Variants in GLI3 observed in about 807,000 individuals in gnomAD.
GLI3 encodes GLI family zinc finger 3.
A neutral mutation model predicts 100.8 loss-of-function variants in GLI3; 20 were observed. The ratio of observed to expected loss-of-function variants is 0.20; its 90% CI spans 0.14 to 0.29. The LOEUF is 0.29. GLI3 is among the 10% of genes least tolerant of loss of function. GLI3 has a pLI of 1.00. For synonymous variants in GLI3, 938 were observed against 860.5 expected, an observed-to-expected ratio of 1.09 and a Z score of -1.58; for missense variants, 2,040 against 2,128.5, an observed-to-expected ratio of 0.96 and a Z score of 0.82.
At chr7:42,188,487 T>A (rs979743551) in intron 2 of GLI3, among the ~76,000 whole-genome samples, 17 of 152,072 alleles carry the variant, frequency 1.1e-4, no homozygotes, top group African/African-American at 4.1e-4. Flanking sequence ...GAACAAAAAA[T>A]CAGCTACAAG....
chr7:42,191,634 G>A lies in GLI3; in HGVS notation c.124+31496C>T, dbSNP rs187743585. ...CACTGCACTCCAGCCTGGGCAACAA[G>A]AGCGAAACTCCGTTTCAAAAAATAT... On this transcript the variant is annotated intron_variant, in intron 2 of 14. Coordinates refer to ENST00000395925, the MANE Select transcript of GLI3 (RefSeq NM_000168.6). Among the ~76,000 whole-genome samples, 966 of 151,332 alleles carry A rather than the reference G, an allele frequency of 6.4e-3. 4 individuals are homozygous for A. Among genetic ancestry groups the A allele is most frequent in the Non-Finnish European group, 0.01 (697 of 67,906 alleles).
At chr7:42,030,073 G>A (rs1789241786) in intron 7 of GLI3, among the ~76,000 whole-genome samples, 1 of 152,168 alleles carries the variant, frequency 6.6e-6, no homozygotes, top group South Asian at 2.1e-4. Flanking sequence ...CTGGAAGTCA[G>A]AAGTCTGCAA....
Position 42,231,561 on chromosome 7 carries a change from T to C in GLI3, c.-43+5410A>G, listed in dbSNP as rs184553015. 1.9e-3 allele frequency among the ~76,000 whole-genome samples: 285 copies of C among 152,218 alleles called. 1 individual carries two copies. Among genetic ancestry groups the C allele is most frequent in the African/African-American group, 6.5e-3 (270 of 41,538 alleles). On this transcript the variant is annotated intron_variant, in intron 1 of 14. Coordinates refer to ENST00000395925, the MANE Select transcript of GLI3 (RefSeq NM_000168.6). ...GGAATTTCATTGTAGTATCCACAGT[T>C]CAAACAGCAGACACTGTCCTGAAGT... is the stretch of plus-strand genomic sequence containing the variant.
At chr7:42,037,815 T>C (rs1447458769) in intron 7 of GLI3, among the ~76,000 whole-genome samples, 1 of 152,238 alleles carries the variant, frequency 6.6e-6, no homozygotes, top group Admixed American at 6.5e-5. Flanking sequence ...AGTCAGCAGA[T>C]TGACAGTCTG....
chr7:41,966,071 C>T lies in GLI3; in HGVS notation c.3002G>A (p.Gly1001Asp). 1 of 1,573,768 alleles carries T rather than the reference C, an allele frequency of 6.4e-7. No individual in the cohort carries two copies. Among genetic ancestry groups the T allele is most frequent in the Non-Finnish European group, 8.6e-7 (1 of 1,166,220 alleles). The change falls in exon 15 of 15, where the codon GGC becomes GAC. Residue 1001 changes from glycine to aspartate, a missense_variant. Around this residue, in one of 5 missense-constraint regions of GLI3, gnomAD observed 1,041 missense variants for 924.0 expected, o/e 1.13. Coordinates refer to ENST00000395925, the MANE Select transcript of GLI3 (RefSeq NM_000168.6). This position sits in a 1 kb window ranked among gnomAD's most constrained non-coding sequence, Gnocchi z 5.8. ...CACCGGGTCGCTGGCCCTCCTCACG[C>T]CGTGGCCCGGCGCATCGTGCGGCTG... ...HLQPHDAPGH[G>D]VRRASDPVRT...
At chr7:42,122,120 T>A (rs1490417375) in intron 3 of GLI3, among the ~76,000 whole-genome samples, 1 of 151,758 alleles carries the variant, frequency 6.6e-6, no homozygotes, top group Non-Finnish European at 1.5e-5. Flanking sequence ...CCTAGAGGAA[T>A]ATTAAAATGA....
chr7:41,975,932 T>A (rs1313550558), intron 12 of GLI3, among the ~76,000 whole-genome samples: 1 of 152,176 alleles, frequency 6.6e-6, no homozygotes, highest in Admixed American at 6.5e-5. Context: ...CCCTTAAAAT[T>A]TTAAATTGAA....
At chr7:42,223,331 TGGTG>T in intron 1 of GLI3, 36 bp from the exon 2 acceptor site, 1 of 1,163,528 alleles carries the variant, frequency 8.6e-7, no homozygotes, top group Admixed American at 2.4e-5. Flanking sequence ...CTTTCCAAAA[TGGTG>T]GAAAAAAAAA....
chr7:42,042,334 T>TA (rs1248859177), intron 6 of GLI3, among the ~76,000 whole-genome samples: 1 of 152,298 alleles, frequency 6.6e-6, no homozygotes, highest in Admixed American at 6.5e-5. Flanking sequence ...TTAAGGCATT[T>TA]AAATCAGCAT....
At chr7:42,063,885 A>G (rs1282679423) in intron 4 of GLI3, among the ~76,000 whole-genome samples, 1 of 152,154 alleles carries the variant, frequency 6.6e-6, no homozygotes, top group Non-Finnish European at 1.5e-5. Flanking sequence ...ATGTTTTTAA[A>G]CCCAAAGAAA....
At position 41,989,481 on chromosome 7, in the gene GLI3, C is replaced by T. The variant is rs187000095; in HGVS notation, c.1498-10733G>A. On this transcript the variant is annotated intron_variant, in intron 10 of 14. Transcript: ENST00000395925. Reference sequence around the variant, plus strand: ...GCTAAGAAAGTGGCTATAAATGCAACCTCTCCGAAGGATCAAATGAATTTG... The same window carrying T: ...GCTAAGAAAGTGGCTATAAATGCAATCTCTCCGAAGGATCAAATGAATTTG... Among the ~76,000 whole-genome samples, 20 of 152,258 alleles carry T rather than the reference C, an allele frequency of 1.3e-4. 1 individual carries two copies. Among genetic ancestry groups the T allele is most frequent in the South Asian group, 6.2e-4 (3 of 4,824 alleles).
chr7:42,226,991 G>A (rs1262388748), intron 1 of GLI3, among the ~76,000 whole-genome samples: 1 of 152,122 alleles, frequency 6.6e-6, no homozygotes, highest in Non-Finnish European at 1.5e-5. Context: ...AACACCACTA[G>A]GACAGTAGCT....
At chr7:42,164,379 G>A (rs1787195783) in intron 2 of GLI3, among the ~76,000 whole-genome samples, 1 of 152,034 alleles carries the variant, frequency 6.6e-6, no homozygotes, top group Non-Finnish European at 1.5e-5. Flanking sequence ...AATTAGCTGG[G>A]CATGGTGGCG....
At chr7:42,223,573 A>T (rs1237127850) in intron 1 of GLI3, among the ~76,000 whole-genome samples, 1 of 152,238 alleles carries the variant, frequency 6.6e-6, no homozygotes. Flanking sequence ...AAACGGTATA[A>T]AAATCTCAAT....
chr7:42,240,543 G>A (rs980471012), upstream of GLI3, among the ~76,000 whole-genome samples: 1 of 152,094 alleles, frequency 6.6e-6, no homozygotes, highest in African/African-American at 2.4e-5. Flanking sequence ...CTGTCAATCT[G>A]GGTGTCCCGT....
intron 1 of GLI3, among the ~76,000 whole-genome samples, chr7:42,226,694 C>T (rs1359860720): frequency 1.3e-5 from 2 of 152,158 alleles, no homozygotes; most frequent in Non-Finnish European, 2.9e-5. Flanking sequence ...ATAAAGATGG[C>T]AATGTGCCAA....
chr7:42,209,986 GAAAAAAAAAAA>G (rs749477443), intron 2 of GLI3, among the ~76,000 whole-genome samples: 2 of 33,268 alleles, frequency 6.0e-5, no homozygotes, highest in African/African-American at 1.5e-4. Flanking sequence ...TTAAGAATCT[GAAAAAAAAAAA>G]AAAAAAAAAA....
chr7:42,128,414 T>C (rs1349501586), intron 3 of GLI3, among the ~76,000 whole-genome samples: 1 of 152,220 alleles, frequency 6.6e-6, no homozygotes, highest in Non-Finnish European at 1.5e-5. Flanking sequence ...GCTCTTCCAG[T>C]AGCAAGAAGT....
At chr7:42,091,312 C>G (rs1433609888) in intron 3 of GLI3, among the ~76,000 whole-genome samples, 2 of 152,238 alleles carry the variant, frequency 1.3e-5, no homozygotes, top group African/African-American at 4.8e-5. Flanking sequence ...TGCACACATC[C>G]TGCCTTCACT....
Sources: allele counts gnomAD v4.1 joint callset (sites outside exome capture counted in the v4.1 genomes callset), GRCh38; gene constraint gnomAD v4.1.1; regional missense constraint gnomAD v4.1.1; non-coding constraint Gnocchi (gnomAD v3.1); transcripts MANE v1.5; gene names NCBI Gene and HGNC (gene_info 2026-07-23, HGNC 2026-07-21).